NRG1: variants seen among roughly 807,000 people sequenced by gnomAD.
NRG1 encodes pro-neuregulin-1, membrane-bound isoform.
In NRG1, 18 loss-of-function variants were observed where a neutral mutation model predicts 63.8. That is an observed-to-expected ratio of 0.28 (90% confidence interval 0.19 to 0.42). The LOEUF (loss-of-function observed/expected upper bound fraction) is 0.42. NRG1 is among the 10% of genes least tolerant of loss of function. The probability of loss-of-function intolerance (pLI) is 1.00; values close to 1 mark genes in which losing one functional copy is unlikely to be tolerated. For synonymous variants in NRG1, 302 were observed against 301.3 expected (o/e 1.00, Z -0.02); for missense variants, 762 against 814.7 (o/e 0.94, Z 0.79).
chr8:32,048,200 GCAGTAAACA>G (rs1157501954), intron 1 of NRG1, among the ~76,000 whole-genome samples: 1 of 151,524 alleles, frequency 6.6e-6, no homozygotes, highest in East Asian at 1.9e-4. Flanking sequence ...GAATGGTGCT[GCAGTAAACA>G]CGGTAAACAC....
chr8:32,583,377 ACC>A (rs1409667557), intron 1 of NRG1, among the ~76,000 whole-genome samples: 1 of 152,124 alleles, frequency 6.6e-6, no homozygotes, highest in Non-Finnish European at 1.5e-5. Flanking sequence ...CAAGTACTTT[ACC>A]TAAGTTTCCT....
intron 1 of NRG1, among the ~76,000 whole-genome samples, chr8:31,918,545 A>G (rs1185302020): frequency 1.3e-5 from 2 of 152,170 alleles, no homozygotes; most frequent in African/African-American, 4.8e-5. Context: ...CATCCCAGGG[A>G]TGAAGCCCAC....
At chr8:32,699,438 TGTA>T (rs1348939889) in intron 5 of NRG1, among the ~76,000 whole-genome samples, 1 of 152,168 alleles carries the variant, frequency 6.6e-6, no homozygotes, top group Non-Finnish European at 1.5e-5. Context: ...TTAATGCAGT[TGTA>T]GGGAATGAAA....
chr8:32,560,082 T>C (rs13260545), intron 1 of NRG1, among the ~76,000 whole-genome samples: 34,115 of 152,106 alleles, frequency 0.22, 4,555 homozygotes, highest in South Asian at 0.37. Flanking sequence ...TGCATAGCTG[T>C]TAAGCTGTAA....
At chr8:32,251,260 A>G (rs1385663032) in intron 1 of NRG1, among the ~76,000 whole-genome samples, 2 of 150,714 alleles carry the variant, frequency 1.3e-5, no homozygotes, top group Non-Finnish European at 3.0e-5. Context: ...CCCTGTGTCC[A>G]TGTGTTCTCA....
chr8:32,600,896 A>G (rs1228801076), intron 2 of NRG1, among the ~76,000 whole-genome samples: 2 of 152,136 alleles, frequency 1.3e-5, no homozygotes, highest in Non-Finnish European at 2.9e-5. Flanking sequence ...ATTTATGACT[A>G]TAAGGGAATC....
chr8:31,824,535 T>C (rs1429808860), intron 1 of NRG1, among the ~76,000 whole-genome samples: 1 of 152,214 alleles, frequency 6.6e-6, no homozygotes, highest in Non-Finnish European at 1.5e-5. Flanking sequence ...TTCTCATCAA[T>C]GGCCCCTACT....
intron 1 of NRG1, among the ~76,000 whole-genome samples, chr8:32,029,054 C>A (rs184357648): frequency 6.6e-6 from 1 of 152,070 alleles, no homozygotes; most frequent in East Asian, 1.9e-4. Flanking sequence ...AAAACCTTCC[C>A]CTTCATTAAC....
rs1267930115 is a variant in NRG1, at chr8:32,054,859, CTTTCTTTTTTTTTTTTTTTTTTTT to C, written c.37+415432_37+415455del. The stretch of plus-strand genomic sequence containing the variant: ...TTTCCCTTGAAAAGCAGATTTCTTT[CTTTCTTTTTTTTTTTTTTTTTTTT>C]TTTTTTTTTTTTTTTTTTTTTTTGA... On this transcript the variant is annotated intron_variant, in intron 1 of 10. Transcript: ENST00000519301. Among the ~76,000 whole-genome samples, 21 of 70,662 alleles carry C rather than the reference CTTTCTTTTTTTTTTTTTTTTTTTT, an allele frequency of 3.0e-4. 1 individual carries two copies. The highest frequency in any genetic ancestry group is 1.4e-3 in the East Asian group (2 of 1,386). 46.4% of individuals were successfully genotyped at this position (70,662 alleles called of 152,430 possible).
chr8:32,535,336 C>T (rs955301567), intron 1 of NRG1, among the ~76,000 whole-genome samples: 4 of 152,128 alleles, frequency 2.6e-5, no homozygotes, highest in East Asian at 1.9e-4. Context: ...GATATGTTTT[C>T]GAGTTAAATT....
intron 1 of NRG1, among the ~76,000 whole-genome samples, chr8:31,964,969 C>T (rs1806072115): frequency 6.6e-6 from 1 of 152,040 alleles, no homozygotes; most frequent in South Asian, 2.1e-4. Flanking sequence ...GACAGTGGGA[C>T]AAAAAGTACA....
Position 32,036,214 on chromosome 8 carries a change from T to C in NRG1, c.37+396783T>C, listed in dbSNP as rs558376848. ...AAGCTTAGTTTGACCAGATATGACA[T>C]TGTAGGTTGGAAATTCTTTTCTTCA... On this transcript the variant is annotated intron_variant, in intron 1 of 10. Coordinates refer to the NRG1 transcript ENST00000519301. Among the ~76,000 whole-genome samples the C allele has an allele frequency of 9.9e-5, 15 of 152,172 alleles. 1 individual carries two copies. The highest frequency in any genetic ancestry group is 4.1e-4 in the South Asian group (2 of 4,828).
At chr8:32,397,319 T>C (rs10100501) in intron 1 of NRG1, among the ~76,000 whole-genome samples, 137,886 of 152,166 alleles carry the variant, frequency 0.91, 63,197 homozygotes, top group Non-Finnish European at 0.95. Context: ...ATTTGTAAAA[T>C]GAAAATAATA....
intron 7 of NRG1, among the ~76,000 whole-genome samples, chr8:32,752,128 A>G (rs1479848122): frequency 1.3e-5 from 2 of 151,566 alleles, no homozygotes; most frequent in African/African-American, 4.9e-5. Flanking sequence ...TAATACCTAC[A>G]CTCCTATTTC....
At chr8:32,116,665 C>T (rs1563805218) in intron 1 of NRG1, among the ~76,000 whole-genome samples, 1 of 152,036 alleles carries the variant, frequency 6.6e-6, no homozygotes, top group African/African-American at 2.4e-5. Flanking sequence ...AAAACATAAA[C>T]TCATCTTACA....
chr8:32,025,307 CCA>C (rs1256078999), intron 1 of NRG1, among the ~76,000 whole-genome samples: 6 of 152,000 alleles, frequency 3.9e-5, no homozygotes, highest in Middle Eastern at 6.8e-3. Context: ...AAGTCTCAAA[CCA>C]CAGAGAAAGA....
intron 1 of NRG1, among the ~76,000 whole-genome samples, chr8:31,961,399 C>T (rs1345218496): frequency 2.0e-5 from 3 of 152,162 alleles, no homozygotes; most frequent in Non-Finnish European, 4.4e-5. Context: ...GTGAATACAA[C>T]ATCTCACTCT....
At chr8:31,756,050 C>A (rs1816935327) in intron 1 of NRG1, among the ~76,000 whole-genome samples, 1 of 152,086 alleles carries the variant, frequency 6.6e-6, no homozygotes, top group African/African-American at 2.4e-5. Flanking sequence ...ACATCTAAAT[C>A]CATGCAAAGC....
intron 1 of NRG1, among the ~76,000 whole-genome samples, chr8:31,911,571 C>T (rs1268922913): frequency 6.6e-6 from 1 of 152,136 alleles, no homozygotes; most frequent in African/African-American, 2.4e-5. Context: ...GCAACAGACT[C>T]TGGGTCTTAC....
Sources: allele counts gnomAD v4.1 joint callset (sites outside exome capture counted in the v4.1 genomes callset), GRCh38; gene constraint gnomAD v4.1.1; transcripts MANE v1.5; gene names NCBI Gene and HGNC (gene_info 2026-07-23, HGNC 2026-07-21).